Variants in DNAH8 observed in about 807,000 individuals in gnomAD.
DNAH8 encodes the protein axonemal beta dynein heavy chain 8.
Under a neutral mutation model 562.1 loss-of-function variants are expected in DNAH8, and 382 were observed. That is an observed-to-expected ratio of 0.68 (90% CI 0.63 to 0.74). The LOEUF (loss-of-function observed/expected upper bound fraction) is 0.74, where lower values mean the gene tolerates loss of function less well. Ranked by LOEUF, DNAH8 falls within the 30% of genes least tolerant of loss-of-function variation. DNAH8 has a pLI of 0.00. For synonymous variants in DNAH8, 1,881 were observed against 1,919.4 expected (o/e 0.98, Z 0.52); for missense variants, 5,203 against 5,620.4 (o/e 0.93, Z 2.37).
chr6:38,715,500 T>G (rs1390385767), intron 1 of DNAH8, 85 bp downstream of exon 1: 1 of 152,366 alleles, frequency 6.6e-6, no homozygotes, highest in Non-Finnish European at 1.5e-5. Flanking sequence ...CCCACTTTCC[T>G]TCTTTTTAGG....
rs371242539 is a variant in DNAH8 at position 38,800,796 on chromosome 6, A to G, written c.2902-2383A>G. Among the ~76,000 whole-genome samples, 35 of 152,310 alleles carry G rather than the reference A, an allele frequency of 2.3e-4. No individual in the cohort carries two copies. In the South Asian group the frequency reaches 6.8e-3, roughly 30 times the overall value. ...AAGTGCCTCCCAAAGTGCTGGGATT[A>G]CAGACGTGAGCCACCGTGCCCTGCC... On this transcript the variant is annotated intron_variant, in intron 21 of 92. Transcript: ENST00000327475.
intron 82 of DNAH8, among the ~76,000 whole-genome samples, chr6:38,951,733 A>G (rs1381713172): frequency 6.6e-6 from 1 of 152,126 alleles, no homozygotes; most frequent in Non-Finnish European, 1.5e-5. Context: ...CATCTAGCAT[A>G]TAGTGTTTTT....
chr6:39,014,690 C>T (rs983631426), intron 91 of DNAH8, among the ~76,000 whole-genome samples: 6 of 152,136 alleles, frequency 3.9e-5, no homozygotes, highest in Admixed American at 3.3e-4. Flanking sequence ...AAAAAAAGAG[C>T]GGGTGCTTTC....
intron 42 of DNAH8, among the ~76,000 whole-genome samples, chr6:38,859,276 G>A (rs997777079): frequency 2.0e-5 from 3 of 152,214 alleles, no homozygotes; most frequent in African/African-American, 7.2e-5. Context: ...AGCATTCCCT[G>A]TGGGTGGGGC....
intron 55 of DNAH8, among the ~76,000 whole-genome samples, 189 bp downstream of exon 55, chr6:38,883,645 C>G (rs1486599474): frequency 6.6e-6 from 1 of 152,100 alleles, no homozygotes; most frequent in African/African-American, 2.4e-5. Flanking sequence ...CATACTTTGA[C>G]CTAATATTGA....
In DNAH8 at chr6:38,943,417, A is replaced by G. The variant is rs532146912; in HGVS notation, c.12008-2050A>G. On this transcript the variant is annotated intron_variant, in intron 79 of 92. Coordinates refer to ENST00000327475, the MANE Select transcript of DNAH8 (RefSeq NM_001206927.2). ...TTTAAAAAATCATTTTGAACTCAAT[A>G]CTTAAGGGGGAGAGTGGAAGAGTTA... 2.6e-5 allele frequency among the ~76,000 whole-genome samples: 4 copies of G among 152,304 alleles called. No individual in the cohort carries two copies. In the South Asian group the frequency reaches 8.3e-4, roughly 32 times the overall value.
At chr6:38,874,984 T>A (rs1196858638) in intron 52 of DNAH8, among the ~76,000 whole-genome samples, 1 of 152,230 alleles carries the variant, frequency 6.6e-6, no homozygotes, top group African/African-American at 2.4e-5. Flanking sequence ...TATAGGGCAT[T>A]GGCACACTTT....
At chr6:38,740,572 C>T (rs554697593) in intron 7 of DNAH8, among the ~76,000 whole-genome samples, 3 of 151,988 alleles carry the variant, frequency 2.0e-5, no homozygotes, top group Non-Finnish European at 4.4e-5. Context: ...GAATTGCTCA[C>T]GTTTATTAAT....
At chr6:39,022,779 C>A (rs1402399341) in intron 91 of DNAH8, among the ~76,000 whole-genome samples, 1 of 152,220 alleles carries the variant, frequency 6.6e-6, no homozygotes, top group African/African-American at 2.4e-5. Context: ...CACACCCCTG[C>A]AGTCTTGCTG....
Position 38,789,824 on chromosome 6 carries a change from G to GAGTT in DNAH8, c.2607_2610dup (p.Cys871ValfsTer61). On this transcript the variant is annotated frameshift_variant, in exon 19 of 93. Coordinates refer to ENST00000327475, the MANE Select transcript of DNAH8 (RefSeq NM_001206927.2). LOFTEE classifies it high-confidence loss of function. ...ACAGGGTCTTCTGCAATATTATGAT[G>GAGTT]AGTTATGTCAGGAAGTGCCTTCTGT... 1 of 1,612,134 alleles carries GAGTT rather than the reference G, an allele frequency of 6.2e-7. No homozygotes were observed. The highest frequency in any genetic ancestry group is 8.5e-7 in the Non-Finnish European group (1 of 1,179,260).
In DNAH8 at chr6:38,829,102, A is replaced by T. The variant is rs1056547688; in HGVS notation, c.4188+814A>T. On this transcript the variant is annotated intron_variant, in intron 30 of 92. Transcript: ENST00000327475. ...GCCTAATGAGATAGAGCATGTTTTC[A>T]TGTGGCCATTTTATTGGTCATTTGT... is the stretch of plus-strand genomic sequence containing the variant. 5.3e-5 allele frequency among the ~76,000 whole-genome samples: 8 copies of T among 152,280 alleles called. No homozygotes were observed. In the South Asian group the frequency reaches 6.2e-4, roughly 12 times the overall value.
chr6:38,771,757 C>T (rs114782600), intron 12 of DNAH8, among the ~76,000 whole-genome samples: 2,082 of 149,056 alleles, frequency 0.014, 50 homozygotes, highest in African/African-American at 0.048. Flanking sequence ...TTCCATTGTA[C>T]GGATAATATC....
At chr6:38,770,299 C>A in intron 11 of DNAH8, 114 bp from the exon 12 acceptor site, 12 of 490,508 alleles carry the variant, frequency 2.4e-5, no homozygotes, top group South Asian at 1.8e-4. Flanking sequence ...TAAAAAAAAA[C>A]TATACAGATT....
chr6:38,909,771 G>A (rs373326851), intron 65 of DNAH8, 27 bp downstream of exon 65: 4 of 1,562,940 alleles, frequency 2.6e-6, no homozygotes, highest in Non-Finnish European at 3.5e-6. Context: ...AAGCACCATC[G>A]CTATGGAACC....
intron 53 of DNAH8, among the ~76,000 whole-genome samples, 178 bp downstream of exon 53, chr6:38,876,006 C>T (rs567557044): frequency 5.3e-5 from 8 of 152,152 alleles, no homozygotes; most frequent in East Asian, 1.9e-4. Flanking sequence ...GAATTGTGCC[C>T]GAAACTGATA....
At chr6:38,827,840 C>A (rs1340599463) in intron 29 of DNAH8, among the ~76,000 whole-genome samples, 1 of 139,918 alleles carries the variant, frequency 7.1e-6, no homozygotes, top group Non-Finnish European at 1.5e-5. Flanking sequence ...GGAGTATCTC[C>A]CACATCATTT....
At chr6:38,735,752 T>C (rs1277963768) in intron 5 of DNAH8, among the ~76,000 whole-genome samples, 1 of 152,228 alleles carries the variant, frequency 6.6e-6, no homozygotes, top group Non-Finnish European at 1.5e-5. Flanking sequence ...TATGCTATTC[T>C]CCAGAAGCAA....
intron 82 of DNAH8, among the ~76,000 whole-genome samples, chr6:38,952,579 A>C (rs1049534322): frequency 6.6e-6 from 1 of 152,220 alleles, no homozygotes; most frequent in Admixed American, 6.5e-5. Flanking sequence ...TTTATTACAT[A>C]GTCGACATAA....
intron 91 of DNAH8, among the ~76,000 whole-genome samples, chr6:39,017,035 A>G (rs1387560843): frequency 1.3e-5 from 2 of 152,236 alleles, no homozygotes; most frequent in African/African-American, 2.4e-5. Context: ...CCATGTGGCA[A>G]TTAGACTGGA....
Sources: gnomAD v4.1 joint callset for allele counts (sites outside exome capture counted in the v4.1 genomes callset) on GRCh38, gnomAD v4.1.1 for gene constraint, MANE v1.5 for transcripts, NCBI Gene and HGNC (gene_info 2026-07-23, HGNC 2026-07-21) for gene names.